Variants in SPON1 observed in about 807,000 individuals in gnomAD.
The protein encoded by SPON1 is spondin 1.
In SPON1, 52 loss-of-function variants were observed where a neutral mutation model predicts 111.7. That is an observed-to-expected ratio of 0.47 (90% CI 0.37 to 0.59). The LOEUF is 0.59. Ranked by LOEUF, SPON1 falls within the 20% of genes least tolerant of loss-of-function variation. The pLI is 0.00. For missense variants in SPON1, 957 were observed against 1,068.5 expected (o/e 0.90, Z 1.46); for synonymous variants, 410 against 395.8 (o/e 1.04, Z -0.43).
At chr11:14,184,353 A>T (rs916335810) in intron 6 of SPON1, among the ~76,000 whole-genome samples, 9 of 152,146 alleles carry the variant, frequency 5.9e-5, no homozygotes, top group African/African-American at 1.9e-4. Flanking sequence ...AAATCTTACT[A>T]ATAACTCCTG....
chr11:14,259,192 T>A lies in SPON1; in HGVS notation c.1493-88T>A. On this transcript the variant is annotated intron_variant, in intron 11 of 15. Coordinates refer to ENST00000576479, the MANE Select transcript of SPON1 (RefSeq NM_006108.4). This position sits in a 1 kb window ranked among gnomAD's most constrained non-coding sequence, Gnocchi z 5.0. ...ACCTCAACTGCCTGACTCCTCTTGA[T>A]TCCCGCTGGCGGGAAGTTCCCACCG... 7.0e-7 allele frequency: 1 copy of A among 1,427,278 alleles called. No homozygotes were observed. The highest frequency in any genetic ancestry group is 9.3e-7 in the Non-Finnish European group (1 of 1,071,002). The allele number at this position is 1,427,278 out of a possible 1,614,324, so 88.4% of individuals were successfully genotyped here.
At chr11:14,087,968 C>CT (rs1849019525) in intron 5 of SPON1, among the ~76,000 whole-genome samples, 1 of 151,512 alleles carries the variant, frequency 6.6e-6, no homozygotes, top group Non-Finnish European at 1.5e-5. Flanking sequence ...CTTTTTTTGG[C>CT]TTTCCATTTG....
intron 6 of SPON1, among the ~76,000 whole-genome samples, chr11:14,145,853 T>C (rs1847711306): frequency 6.6e-6 from 1 of 152,172 alleles, no homozygotes; most frequent in African/African-American, 2.4e-5. Context: ...TTAAAAAGAA[T>C]AAGGCAGATT....
chr11:14,265,506 G>C lies in SPON1; in HGVS notation c.2261-18G>C. On this transcript the variant is annotated intron_variant, in intron 15 of 15. Coordinates refer to ENST00000576479, the MANE Select transcript of SPON1 (RefSeq NM_006108.4). ...GTCCCGTTTCTGCGGGCCTAACAAGGCATTCTCATGCTTTCAGGTTGTAGG... is the reference window on the plus strand; with the variant it reads ...GTCCCGTTTCTGCGGGCCTAACAAGCCATTCTCATGCTTTCAGGTTGTAGG... 1 of 1,609,036 alleles carries C rather than the reference G, an allele frequency of 6.2e-7. No individual in the cohort carries two copies. The highest frequency in any genetic ancestry group is 1.3e-5 in the African/African-American group (1 of 74,912).
In SPON1 at chr11:14,169,549, T is replaced by A. The variant is rs1442681658; in HGVS notation, c.825+33981T>A. 2.1e-3 allele frequency among the ~76,000 whole-genome samples: 314 copies of A among 151,806 alleles called. 1 individual carries two copies. The highest frequency in any genetic ancestry group is 3.6e-3 in the Non-Finnish European group (246 of 67,934). Reference sequence around the variant, plus strand: ...TGGCTTTTGTTGCCATTGCTTTTGGTGTTTTAGACATGAAGTCCTTGCCCA... The same window carrying A: ...TGGCTTTTGTTGCCATTGCTTTTGGAGTTTTAGACATGAAGTCCTTGCCCA... On this transcript the variant is annotated intron_variant, in intron 6 of 15. Coordinates refer to ENST00000576479, the MANE Select transcript of SPON1 (RefSeq NM_006108.4).
intron 6 of SPON1, among the ~76,000 whole-genome samples, chr11:14,173,988 G>A (rs1388611176): frequency 6.6e-6 from 1 of 152,142 alleles, no homozygotes; most frequent in Non-Finnish European, 1.5e-5. Flanking sequence ...TTTTTCAATT[G>A]CCAGTTTCTT....
At chr11:14,196,199 G>A (rs1257657411) in intron 6 of SPON1, among the ~76,000 whole-genome samples, 2 of 152,162 alleles carry the variant, frequency 1.3e-5, no homozygotes, top group Non-Finnish European at 2.9e-5. Context: ...GATGGGGGTG[G>A]CTATAGCTCC....
chr11:14,149,593 C>A (rs941650164), intron 6 of SPON1, among the ~76,000 whole-genome samples: 3 of 152,166 alleles, frequency 2.0e-5, no homozygotes, highest in Non-Finnish European at 2.9e-5. Context: ...ACTCACCACT[C>A]ACTGACTGAC....
intron 2 of SPON1, among the ~76,000 whole-genome samples, chr11:13,987,823 C>A (rs1848197290): frequency 1.3e-5 from 2 of 151,994 alleles, no homozygotes; most frequent in African/African-American, 2.4e-5. Flanking sequence ...GGAAAAGATT[C>A]CCTATTTGTG....
intron 6 of SPON1, among the ~76,000 whole-genome samples, chr11:14,148,818 GAC>G (rs1847754876): frequency 6.6e-6 from 1 of 152,206 alleles, no homozygotes; most frequent in East Asian, 1.9e-4. Context: ...GTGTCTCTGA[GAC>G]AGTTTAGAGC....
intron 2 of SPON1, among the ~76,000 whole-genome samples, chr11:13,987,347 G>A (rs1477594442): frequency 6.6e-6 from 1 of 152,114 alleles, no homozygotes; most frequent in African/African-American, 2.4e-5. Context: ...ATGTCTGTTG[G>A]CTGCATAAAT....
chr11:14,090,826 C>T (rs782406467), intron 5 of SPON1, among the ~76,000 whole-genome samples: 2 of 4,908 alleles, frequency 4.1e-4, no homozygotes, highest in African/African-American at 1.6e-3. Context: ...CTTATCTGGC[C>T]CCCCCCCCCC....
chr11:14,183,457 A>G (rs1481631279), intron 6 of SPON1, among the ~76,000 whole-genome samples: 2 of 152,240 alleles, frequency 1.3e-5, no homozygotes, highest in Non-Finnish European at 2.9e-5. Flanking sequence ...ATGTCTGGTT[A>G]ATATGCCACC....
intron 1 of SPON1, among the ~76,000 whole-genome samples, chr11:13,980,049 C>CT (rs75144823): frequency 7.8e-4 from 115 of 147,486 alleles, no homozygotes; most frequent in East Asian, 2.6e-3. Flanking sequence ...CTCATTCCTT[C>CT]TTTTTTTTTT....
At position 14,163,956 on chromosome 11, in the gene SPON1, G is replaced by A. The variant is rs782718189; in HGVS notation, c.825+28388G>A. Among the ~76,000 whole-genome samples, 4 of 152,058 alleles carry A rather than the reference G, an allele frequency of 2.6e-5. No individual in the cohort carries two copies. The East Asian group carries it at 7.7e-4, about 29-fold the overall frequency. On this transcript the variant is annotated intron_variant, in intron 6 of 15. Transcript: ENST00000576479. Reference sequence around the variant, plus strand: ...TGTGCTCTAAAGCCCTTCAAACTGGGAAGCATTCAATTCTGGCCCCCACAT... The same window carrying A: ...TGTGCTCTAAAGCCCTTCAAACTGGAAAGCATTCAATTCTGGCCCCCACAT...
At chr11:14,008,061 G>A (rs1291544466) in intron 2 of SPON1, among the ~76,000 whole-genome samples, 4 of 152,170 alleles carry the variant, frequency 2.6e-5, no homozygotes, top group Non-Finnish European at 5.9e-5. Context: ...AAGTGAACAT[G>A]CAGTAGTCCC....
intron 5 of SPON1, among the ~76,000 whole-genome samples, chr11:14,102,597 T>G (rs1440050632): frequency 1.3e-5 from 2 of 152,222 alleles, no homozygotes; most frequent in African/African-American, 2.4e-5. Flanking sequence ...AGATCCAGTC[T>G]AAGATTATAT....
At chr11:14,072,614 G>T (rs1398353121) in intron 3 of SPON1, among the ~76,000 whole-genome samples, 5 of 152,154 alleles carry the variant, frequency 3.3e-5, no homozygotes, top group Admixed American at 2.0e-4. Flanking sequence ...GGCCCAAAGT[G>T]ATGACAGCTG....
chr11:14,255,737 G>T lies in SPON1; in HGVS notation c.1183G>T (p.Gly395Trp). 6.2e-7 allele frequency: 1 copy of T among 1,613,874 alleles called. No individual in the cohort carries two copies. The highest frequency in any genetic ancestry group is 1.3e-5 in the African/African-American group (1 of 75,008). The change falls in exon 9 of 16, where the codon GGG becomes TGG. Residue 395 changes from glycine (G) to tryptophan (W), a missense_variant. Physicochemically the swap from Gly to Trp is radical, Grantham distance 184. This residue lies in a region of SPON1 where 549 missense variants were observed against 606.2 expected (regional missense o/e 0.91). Coordinates refer to ENST00000576479, the MANE Select transcript of SPON1 (RefSeq NM_006108.4). ...GAGTCCTTTCTATGACCCAGAGGGTGGGTCCATCACTCAAGTAGCCAGAGT... is the reference window on the plus strand; with the variant it reads ...GAGTCCTTTCTATGACCCAGAGGGTTGGTCCATCACTCAAGTAGCCAGAGT... ...PQSPFYDPEG[G>W]SITQVARVVI...
Sources: allele counts gnomAD v4.1 joint callset (sites outside exome capture counted in the v4.1 genomes callset), GRCh38; gene constraint gnomAD v4.1.1; regional missense constraint gnomAD v4.1.1; non-coding constraint Gnocchi (gnomAD v3.1); transcripts MANE v1.5; gene names NCBI Gene and HGNC (gene_info 2026-07-23, HGNC 2026-07-21).